The following UPP2 variants were observed in gnomAD, a reference collection of about 807,000 sequenced individuals.
UPP2 encodes the protein uridine phosphorylase 2, also known as UPase 2.
A neutral mutation model predicts 26.7 loss-of-function variants in UPP2; 23 were observed. The observed-to-expected ratio is 0.86, with a 90% CI of 0.62 to 1.22. UPP2 has a LOEUF of 1.22. Among genes scored for constraint, UPP2 ranks in the 50% most tolerant of loss-of-function variants. The pLI, the probability that UPP2 is intolerant of heterozygous loss-of-function variation, is 0.00. For missense variants in UPP2, 387 were observed against 396.7 expected (o/e 0.98, Z 0.21); for synonymous variants, 127 against 141.3 (o/e 0.90, Z 0.72).
chr2:158,063,015 C>G (rs1005337974), intron 3 of UPP2, among the ~76,000 whole-genome samples: 1 of 152,214 alleles, frequency 6.6e-6, no homozygotes, highest in Admixed American at 6.5e-5. Context: ...CCTGCATCCC[C>G]AAGCTGACAA....
Position 158,123,758 on chromosome 2 carries a change from G to T in UPP2, c.674G>T (p.Arg225Leu), listed in dbSNP as rs35667202. ...CTYDFYEGQG[R>L]LDGALCSFSR... The stretch of plus-strand genomic sequence containing the variant: ...CTCCCCTCCCTTTCAGGCCAAGGCC[G>T]ACTAGATGGAGCACTGTGCTCCTTT... The change falls in exon 6 of 7, where the codon CGA becomes CTA. Residue 225 changes from arginine (R) to leucine (L), a missense_variant. Physicochemically the swap from Arg to Leu is moderately radical, Grantham distance 102 (BLOSUM62 -2). Coordinates refer to ENST00000005756, the MANE Select transcript of UPP2 (RefSeq NM_173355.4). 383 of 1,613,786 alleles carry T rather than the reference G, an allele frequency of 2.4e-4. 1 individual carries two copies. Among genetic ancestry groups the T allele is most frequent in the African/African-American group, 1.5e-3 (114 of 75,054 alleles).
chr2:158,099,669 G>A (rs71421068), upstream of UPP2, among the ~76,000 whole-genome samples: 3,841 of 152,224 alleles, frequency 0.025, 111 homozygotes, highest in East Asian at 0.14. Context: ...CATGGTCTCA[G>A]GGAGGCCTAA....
intron 3 of UPP2, among the ~76,000 whole-genome samples, chr2:158,075,781 T>C (rs1005566215): frequency 2.6e-5 from 4 of 151,050 alleles, no homozygotes; most frequent in Admixed American, 2.0e-4. Context: ...CTTAAAAAAT[T>C]AGAAAATCAA....
intron 3 of UPP2, among the ~76,000 whole-genome samples, chr2:158,071,369 G>A (rs1197071438): frequency 1.3e-5 from 2 of 151,846 alleles, no homozygotes; most frequent in African/African-American, 4.8e-5. Flanking sequence ...TGGCCAACAT[G>A]GTGAAACCCT....
intron 3 of UPP2, among the ~76,000 whole-genome samples, chr2:158,032,639 G>A (rs1683940562): frequency 6.6e-6 from 1 of 152,054 alleles, no homozygotes. Context: ...GGCTGCATTT[G>A]GGGCTACGGG....
intron 3 of UPP2, among the ~76,000 whole-genome samples, chr2:158,084,823 T>C (rs1403581508): frequency 6.6e-6 from 1 of 152,208 alleles, no homozygotes; most frequent in Non-Finnish European, 1.5e-5. Context: ...GGTTTATTTC[T>C]GGGTTCTCTA....
upstream of UPP2, among the ~76,000 whole-genome samples, chr2:158,101,288 C>T (rs1327713572): frequency 6.6e-6 from 1 of 152,144 alleles, no homozygotes; most frequent in Non-Finnish European, 1.5e-5. Flanking sequence ...GCAGAGACTC[C>T]GTTTTCTGAA....
At chr2:158,113,338 A>T (rs997318297) in intron 2 of UPP2, among the ~76,000 whole-genome samples, 3 of 152,204 alleles carry the variant, frequency 2.0e-5, no homozygotes, top group Non-Finnish European at 4.4e-5. Flanking sequence ...TTGGACTTAG[A>T]TCGTGAGCCA....
At chr2:158,051,155 ATATG>A (rs1422201980) in intron 3 of UPP2, among the ~76,000 whole-genome samples, 18 of 94,254 alleles carry the variant, frequency 1.9e-4, no homozygotes, top group African/African-American at 8.2e-4. Flanking sequence ...CACTCTAGGA[ATATG>A]TGTGTGTGTG....
chr2:158,037,820 G>T, intron 3 of UPP2, among the ~76,000 whole-genome samples: 1 of 140,218 alleles, frequency 7.1e-6, no homozygotes, highest in Non-Finnish European at 1.5e-5. Context: ...GAGGTACTGG[G>T]GGTTAATATT....
intron 3 of UPP2, among the ~76,000 whole-genome samples, chr2:158,035,760 A>T (rs1235497049): frequency 1.3e-5 from 2 of 152,230 alleles, no homozygotes; most frequent in African/African-American, 4.8e-5. Flanking sequence ...AAACCAGCAC[A>T]TAATTCTGCA....
intron 2 of UPP2, among the ~76,000 whole-genome samples, chr2:158,114,000 C>T (rs1051642082): frequency 6.6e-5 from 10 of 152,336 alleles, no homozygotes; most frequent in Middle Eastern, 3.4e-3. Context: ...TGCAATCTCA[C>T]GTTCTTCTTT....
rs181246621 is a variant in UPP2 at position 158,117,794 on chromosome 2, T to C, written c.340-30T>C. On this transcript the variant is annotated intron_variant, in intron 3 of 6. Coordinates refer to ENST00000005756, the MANE Select transcript of UPP2 (RefSeq NM_173355.4). ...CCTGTTCATGTATCACTTTGCAAGA[T>C]GTATGATGACTTTCTCTTTCTCTCA... The C allele has an allele frequency of 9.0e-5, 137 of 1,521,194 alleles. No homozygotes were observed. The African/African-American group carries it at 1.5e-3, about 17-fold the overall frequency. The allele number at this position is 1,521,194 out of a possible 1,614,324, so 94.2% of individuals were successfully genotyped here. A position where few individuals can be genotyped will look rare whatever the true frequency, so the allele number is the denominator to read the frequency against.
At chr2:158,118,287 T>TAA (rs145239989) in intron 4 of UPP2, among the ~76,000 whole-genome samples, 10,139 of 146,172 alleles carry the variant, frequency 0.069, 583 homozygotes, top group Non-Finnish European at 0.1. Context: ...TGTGTTCAAG[T>TAA]AAAAAAAAAA....
At chr2:158,065,618 C>G (rs1475218625) in intron 3 of UPP2, 4 of 576,498 alleles carry the variant, frequency 6.9e-6, no homozygotes, top group Non-Finnish European at 1.3e-5. Context: ...TACACACAAC[C>G]CAACCAATGT....
At chr2:158,026,890 G>C (rs7596946) in intron 3 of UPP2, among the ~76,000 whole-genome samples, 78 of 152,190 alleles carry the variant, frequency 5.1e-4, no homozygotes, top group African/African-American at 1.9e-3. Context: ...AAGAAGAAGT[G>C]AGGAAGATGC....
chr2:158,038,872 T>C (rs187529844), intron 3 of UPP2, among the ~76,000 whole-genome samples: 114 of 152,304 alleles, frequency 7.5e-4, no homozygotes, highest in African/African-American at 2.6e-3. Context: ...CCAAAGCTAG[T>C]GTTATGCAGA....
intron 4 of UPP2, among the ~76,000 whole-genome samples, chr2:158,118,339 T>A (rs1683486717): frequency 6.6e-6 from 1 of 151,874 alleles, no homozygotes; most frequent in Non-Finnish European, 1.5e-5. Context: ...GTGAGCAAAC[T>A]GCAAAGCTCT....
At chr2:158,009,121 G>C (rs1683537657) in intron 2 of UPP2, among the ~76,000 whole-genome samples, 1 of 152,064 alleles carries the variant, frequency 6.6e-6, no homozygotes, top group South Asian at 2.1e-4. Flanking sequence ...TTATAGGACA[G>C]TACCCTTTAA....
Sources: gnomAD v4.1 joint callset for allele counts (sites outside exome capture counted in the v4.1 genomes callset) on GRCh38, gnomAD v4.1.1 for gene constraint, MANE v1.5 for transcripts, NCBI Gene and HGNC (gene_info 2026-07-23, HGNC 2026-07-21) for gene names.